DPP4: variants seen among roughly 807,000 people sequenced by gnomAD.
DPP4 encodes the protein dipeptidyl peptidase 4.
A neutral mutation model predicts 122.4 loss-of-function variants in DPP4; 93 were observed. That is an observed-to-expected ratio of 0.76 (90% CI 0.64 to 0.90). The LOEUF (loss-of-function observed/expected upper bound fraction) is 0.90. Among genes scored for constraint, DPP4 ranks in the 40% least tolerant of loss-of-function variants. DPP4 has a pLI of 0.00. For missense variants in DPP4, 914 were observed against 907.3 expected (o/e 1.01, Z -0.09); for synonymous variants, 321 against 302.9 (o/e 1.06, Z -0.62).
intron 2 of DPP4, among the ~76,000 whole-genome samples, chr2:162,059,138 T>C (rs1472562294): frequency 6.6e-6 from 1 of 152,230 alleles, no homozygotes; most frequent in Admixed American, 6.5e-5. Context: ...TAAGCCGAGT[T>C]ACACTGCCTG....
chr2:161,999,361 A>T (rs1462336390), intron 23 of DPP4, among the ~76,000 whole-genome samples: 1 of 152,352 alleles, frequency 6.6e-6, no homozygotes, highest in Admixed American at 6.5e-5. Flanking sequence ...TTGCCTATCC[A>T]TGGAAACAGA....
chr2:161,995,275 A>G, intron 24 of DPP4, 25 bp downstream of exon 24: 2 of 1,606,264 alleles, frequency 1.2e-6, no homozygotes, highest in Non-Finnish European at 1.7e-6. Flanking sequence ...TGTGATACTA[A>G]AAAGTCTAAT....
At chr2:162,019,399 T>G (rs956466765) in intron 14 of DPP4, 123 bp from the exon 15 acceptor site, 1 of 597,446 alleles carries the variant, frequency 1.7e-6, no homozygotes, top group Non-Finnish European at 2.8e-6. Flanking sequence ...CCCGCCGCCC[T>G]CCGCCATCGC....
intron 2 of DPP4, among the ~76,000 whole-genome samples, chr2:162,053,579 CT>C (rs1559723507): frequency 1.3e-5 from 2 of 152,218 alleles, no homozygotes; most frequent in Non-Finnish European, 2.9e-5. Context: ...AAAAAGGAGC[CT>C]TGGGCACCCA....
intron 5 of DPP4, among the ~76,000 whole-genome samples, chr2:162,040,621 T>C (rs1683950524): frequency 6.6e-6 from 1 of 152,018 alleles, no homozygotes; most frequent in East Asian, 1.9e-4. Context: ...TGTATAATAC[T>C]ATAATGGTGA....
rs1477935367 is a variant in DPP4, at chr2:162,027,671, A to T, written c.888-2732T>A. Among the ~76,000 whole-genome samples the T allele has an allele frequency of 3.3e-5, 5 of 152,296 alleles. No homozygotes were observed. The East Asian group carries it at 7.7e-4, about 24-fold the overall frequency. On this transcript the variant is annotated intron_variant, in intron 10 of 25. Transcript: ENST00000360534. The stretch of plus-strand genomic sequence containing the variant: ...ATGTGATGGGGGGAACAACTTTTTG[A>T]CAATAATTAGTGGATCACCCAGTAC...
At chr2:162,005,230 T>A (rs1040220486) in intron 23 of DPP4, among the ~76,000 whole-genome samples, 1 of 152,228 alleles carries the variant, frequency 6.6e-6, no homozygotes, top group Non-Finnish European at 1.5e-5. Context: ...TTGGATGCTA[T>A]TCAGTGATTT....
At position 162,055,671 on chromosome 2, in the gene DPP4, C is replaced by CA. The variant is rs372057652; in HGVS notation, c.95-8171dup. 5.5e-3 allele frequency among the ~76,000 whole-genome samples: 630 copies of CA among 113,644 alleles called. 2 individuals carry two copies. Among genetic ancestry groups the CA allele is most frequent in the African/African-American group, 0.012 (375 of 30,754 alleles). 74.6% of individuals were successfully genotyped at this position (113,644 alleles called of 152,430 possible). On this transcript the variant is annotated intron_variant, in intron 2 of 25. Coordinates refer to ENST00000360534, the MANE Select transcript of DPP4 (RefSeq NM_001935.4). ...TGGGCAACAAAGTGAAACTCTGTCT[C>CA]AAAAAAAAAAAAAAAGAACACTGTG... is the stretch of plus-strand genomic sequence containing the variant.
At chr2:162,015,000 A>G (rs1051799780) in intron 18 of DPP4, among the ~76,000 whole-genome samples, 1 of 152,188 alleles carries the variant, frequency 6.6e-6, no homozygotes, top group Non-Finnish European at 1.5e-5. Context: ...GATCGGGTTT[A>G]TATGGAGCAA....
intron 12 of DPP4, 21 bp downstream of exon 12, chr2:162,022,734 C>T (rs201373664): frequency 4.0e-5 from 64 of 1,613,310 alleles, no homozygotes; most frequent in Admixed American, 2.0e-4. Flanking sequence ...TCCATAAAAC[C>T]CCACAACTTA....
At chr2:162,013,931 G>A (rs1025255159) in intron 19 of DPP4, among the ~76,000 whole-genome samples, 5 of 152,082 alleles carry the variant, frequency 3.3e-5, no homozygotes, top group Admixed American at 1.3e-4. Flanking sequence ...AATAGCGAAC[G>A]CTCTCCTCTA....
chr2:162,047,438 T>C lies in DPP4; in HGVS notation c.158A>G (p.Tyr53Cys). 3.2e-6 allele frequency: 5 copies of C among 1,584,340 alleles called. No individual in the cohort carries two copies. Among genetic ancestry groups the C allele is most frequent in the Non-Finnish European group, 4.3e-6 (5 of 1,159,664 alleles). The change falls in exon 3 of 26, where the codon TAT becomes TGT. Residue 53 changes from tyrosine (Y) to cysteine (C), a missense_variant. Physicochemically the swap from Tyr to Cys is radical, Grantham distance 194. Transcript: ENST00000360534. ...TCTTAAGGAGTATAACTTCAGTCTATAAGTATTTTTTAAGTAATCAGTTAG... is the reference window on the plus strand; with the variant it reads ...TCTTAAGGAGTATAACTTCAGTCTACAAGTATTTTTTAAGTAATCAGTTAG... Reference protein sequence around the residue: ...YTLTDYLKNTYRLKLYSLRWI... With the variant: ...YTLTDYLKNTCRLKLYSLRWI...
rs1471244370 is a variant in DPP4, at chr2:162,018,866, T to C, written c.1299-16A>G. On this transcript the variant is annotated splice_polypyrimidine_tract_variant and intron_variant, in intron 15 of 25. Coordinates refer to ENST00000360534, the MANE Select transcript of DPP4 (RefSeq NM_001935.4). The stretch of plus-strand genomic sequence containing the variant: ...AAGTTGGATTCTGTAAAACCAACGG[T>C]GGAAATTAAGTGCTTGAAGAAAAGA... 1.2e-6 allele frequency: 2 copies of C among 1,612,822 alleles called. No homozygotes were observed. The highest frequency in any genetic ancestry group is 1.7e-6 in the Non-Finnish European group (2 of 1,179,638).
chr2:162,022,606 T>C (rs1683170448), intron 12 of DPP4, 149 bp downstream of exon 12: 1 of 722,254 alleles, frequency 1.4e-6, no homozygotes, highest in Non-Finnish European at 2.4e-6. Context: ...AAAGATATCT[T>C]TATAGGGAGC....
Position 162,018,742 on chromosome 2 carries a change from C to T in DPP4, c.1407G>A (p.Gln469=), listed in dbSNP as rs759974549. Residue 469 remains glutamine, a synonymous_variant, in exon 16 of 26, where the codon CAG becomes CAA. Transcript: ENST00000360534. ...VSFSKEAKYY[Q]LRCSGPGLPL... is the part of the protein sequence containing the mutation. ...GCTCAGACTTACCGGAACATCTCAGCTGATAATACTTCGCCTCTTTACTGA... is the reference window on the plus strand; with the variant it reads ...GCTCAGACTTACCGGAACATCTCAGTTGATAATACTTCGCCTCTTTACTGA... 16 of 1,613,900 alleles carry T rather than the reference C, an allele frequency of 9.9e-6. No individual in the cohort carries two copies. The highest frequency in any genetic ancestry group is 1.4e-5 in the Non-Finnish European group (16 of 1,180,012).
At chr2:162,018,950 C>A in intron 15 of DPP4, 100 bp from the exon 16 acceptor site, 1 of 1,459,816 alleles carries the variant, frequency 6.9e-7, no homozygotes. Flanking sequence ...AGCAGCATGC[C>A]AACGCAATCT....
chr2:162,073,257 A>G, intron 2 of DPP4, 142 bp downstream of exon 2: 2 of 747,028 alleles, frequency 2.7e-6, no homozygotes, highest in South Asian at 1.7e-5. Context: ...ACAAGCAGCA[A>G]CAACAACTGG....
chr2:161,995,540 G>A (rs1420281182), intron 23 of DPP4, among the ~76,000 whole-genome samples, 168 bp from the exon 24 acceptor site: 1 of 152,216 alleles, frequency 6.6e-6, no homozygotes, highest in East Asian at 1.9e-4. Flanking sequence ...AGAATGCACA[G>A]CATGCCCTGT....
At position 162,003,692 on chromosome 2, in the gene DPP4, G is replaced by A. The variant is rs114006810; in HGVS notation, c.2052+2053C>T. ...AATCAAATTTAAGTATTCTGGTTGGGTCGTTAACAAGAAAATTTGAACTGG... is the reference window on the plus strand; with the variant it reads ...AATCAAATTTAAGTATTCTGGTTGGATCGTTAACAAGAAAATTTGAACTGG... On this transcript the variant is annotated intron_variant, in intron 23 of 25. Coordinates refer to ENST00000360534, the MANE Select transcript of DPP4 (RefSeq NM_001935.4). 3.7e-3 allele frequency among the ~76,000 whole-genome samples: 556 copies of A among 152,290 alleles called. 9 individuals are homozygous for A. The highest frequency in any genetic ancestry group is 0.013 in the African/African-American group (541 of 41,556).
Sources: gnomAD v4.1 joint callset for allele counts (sites outside exome capture counted in the v4.1 genomes callset) on GRCh38, gnomAD v4.1.1 for gene constraint, MANE v1.5 for transcripts, NCBI Gene and HGNC (gene_info 2026-07-23, HGNC 2026-07-21) for gene names.